CASP8: variants seen among roughly 807,000 people sequenced by gnomAD.
CASP8 encodes the protein caspase-8.
A neutral mutation model predicts 46.3 loss-of-function variants in CASP8; 24 were observed. That is an observed-to-expected ratio of 0.52 (90% CI 0.38 to 0.73). The LOEUF is 0.73. Ranked by LOEUF, CASP8 falls within the 30% of genes least tolerant of loss-of-function variation. The pLI, the probability that CASP8 is intolerant of heterozygous loss-of-function variation, is 0.00. For missense variants in CASP8, 460 were observed against 559.0 expected (o/e 0.82, Z 1.79); for synonymous variants, 188 against 200.4 (o/e 0.94, Z 0.52).
At chr2:201,274,475 T>C (rs1401229813) in intron 5 of CASP8, among the ~76,000 whole-genome samples, 1 of 152,200 alleles carries the variant, frequency 6.6e-6, no homozygotes, top group Non-Finnish European at 1.5e-5. Context: ...ATTTTCATTT[T>C]ATTTCATTTA....
At chr2:201,283,219 G>T (rs1407097566) in intron 7 of CASP8, among the ~76,000 whole-genome samples, 1 of 84,294 alleles carries the variant, frequency 1.2e-5, no homozygotes, top group Non-Finnish European at 2.8e-5. Context: ...CCAGGCGGGG[G>T]GCTGACCCCC....
intron 7 of CASP8, chr2:201,281,766 C>A (rs1407350965): frequency 1.0e-6 from 1 of 1,003,470 alleles, no homozygotes; most frequent in Non-Finnish European, 1.4e-6. Flanking sequence ...GCTTACCCAT[C>A]TTGTAAACTA....
Position 201,266,374 on chromosome 2 carries a change from A to G in CASP8, c.-26-87A>G. ...CTGTGCTGACAGCACAATGACCAGT[A>G]CCTAGTAGTTGCAGTAGCCTTTGAT... On this transcript the variant is annotated intron_variant, in intron 1 of 8. Coordinates refer to ENST00000673742, the MANE Select transcript of CASP8 (RefSeq NM_001372051.1). This position sits in a 1 kb window ranked among gnomAD's most constrained non-coding sequence, Gnocchi z 5.7. 1 of 950,538 alleles carries G rather than the reference A, an allele frequency of 1.1e-6. No homozygotes were observed. The highest frequency in any genetic ancestry group is 1.7e-6 in the Non-Finnish European group (1 of 591,094). 58.9% of individuals were successfully genotyped at this position (950,538 alleles called of 1,614,324 possible). A position where few individuals can be genotyped will look rare whatever the true frequency, so the allele number is the denominator to read the frequency against.
intron 5 of CASP8, among the ~76,000 whole-genome samples, chr2:201,273,328 G>A (rs1261004012): frequency 6.6e-6 from 1 of 152,174 alleles, no homozygotes; most frequent in Non-Finnish European, 1.5e-5. Flanking sequence ...CAAAGTGCTG[G>A]GATTACAGGC....
intron 5 of CASP8, among the ~76,000 whole-genome samples, chr2:201,274,089 A>G (rs1029218542): frequency 3.9e-5 from 6 of 152,146 alleles, no homozygotes; most frequent in African/African-American, 1.4e-4. Context: ...TTGTATTTTT[A>G]CGTTGGCTCT....
chr2:201,236,628 AGGCT>A (rs1388278920), intron 2 of CASP8, among the ~76,000 whole-genome samples: 1 of 152,216 alleles, frequency 6.6e-6, no homozygotes, highest in Admixed American at 6.5e-5. Flanking sequence ...TCTGCCGCCC[AGGCT>A]GGAGTGCAGT....
chr2:201,272,053 G>A lies in CASP8; in HGVS notation c.411+432G>A, dbSNP rs545331734. On this transcript the variant is annotated intron_variant, in intron 3 of 8. Coordinates refer to ENST00000673742, the MANE Select transcript of CASP8 (RefSeq NM_001372051.1). This position sits in a 1 kb window ranked among gnomAD's most constrained non-coding sequence, Gnocchi z 4.4. ...GTGTCTGTATTTGTGTGTGATATGT[G>A]TATCTCTGTGTGTCTCTGTATAAGT... 1.2e-4 allele frequency among the ~76,000 whole-genome samples: 19 copies of A among 152,022 alleles called. No individual in the cohort carries two copies. The South Asian group carries it at 4.0e-3, about 32-fold the overall frequency.
At chr2:201,258,170 T>A (rs983581150), upstream of CASP8, 8 of 1,579,766 alleles carry the variant, frequency 5.1e-6, no homozygotes, top group Admixed American at 1.3e-4. Flanking sequence ...CCTCCTTTTA[T>A]CTTTTGTGTT....
chr2:201,262,297 G>A (rs189187616), intron 1 of CASP8: 2 of 151,658 alleles, frequency 1.3e-5, no homozygotes, highest in Admixed American at 1.3e-4. Flanking sequence ...AGTGAAATGA[G>A]GTTAAAAAAT....
rs543507692 is a variant in CASP8, at chr2:201,285,432, C to T, written c.1304+115C>T. ...TTAGAAAGTGCTATGTGATTTAGAT[C>T]ACATTAACAGGTCAGAGAACTGTCC... On this transcript the variant is annotated intron_variant, in intron 8 of 8. Coordinates refer to ENST00000673742, the MANE Select transcript of CASP8 (RefSeq NM_001372051.1). 31 of 1,289,572 alleles carry T rather than the reference C, an allele frequency of 2.4e-5. No individual in the cohort carries two copies. In the East Asian group the frequency reaches 5.5e-4, roughly 23 times the overall value. 79.9% of individuals were successfully genotyped at this position (1,289,572 alleles called of 1,614,324 possible).
At chr2:201,250,111 C>G (rs7570325) in intron 2 of CASP8, among the ~76,000 whole-genome samples, 1 of 151,974 alleles carries the variant, frequency 6.6e-6, no homozygotes, top group Non-Finnish European at 1.5e-5. Context: ...AAGTGTAGTC[C>G]GCTGGCAGAA....
In CASP8 at chr2:201,287,439, T is replaced by A. The variant is rs13113; in HGVS notation, c.*845T>A. The A allele has an allele frequency of 0.34, 51,843 of 154,542 alleles. 10,304 individuals are homozygous for A. Among genetic ancestry groups the A allele is most frequent in the East Asian group, 0.48 (2,486 of 5,172 alleles). The allele number at this position is 154,542 out of a possible 1,614,324, so 9.6% of individuals were successfully genotyped here. On this transcript the variant is annotated 3_prime_UTR_variant, in exon 9 of 9. Coordinates refer to ENST00000673742, the MANE Select transcript of CASP8 (RefSeq NM_001372051.1). The stretch of plus-strand genomic sequence containing the variant: ...TTAATAAAACAAAATTTGTTTGAAA[T>A]CTTTTAAAAATTCAAATGATTTTTA...
chr2:201,271,117 A>T (rs9807938), intron 2 of CASP8, among the ~76,000 whole-genome samples: 9,934 of 152,190 alleles, frequency 0.065, 587 homozygotes, highest in African/African-American at 0.15. Context: ...TACTGAAGAT[A>T]ATGACTGGGA....
In CASP8 at chr2:201,285,017, A is replaced by C; in HGVS notation, c.1004A>C (p.Glu335Ala). The C allele has an allele frequency of 6.2e-7, 1 of 1,614,170 alleles. No homozygotes were observed. Among genetic ancestry groups the C allele is most frequent in the Non-Finnish European group, 8.5e-7 (1 of 1,180,034 alleles). Residue 335 changes from glutamate (E) to alanine (A), a missense_variant, in exon 8 of 9, where the codon GAG (glutamate) becomes GCG (alanine). Transcript: ENST00000673742. ...GATGGACAGGAGGCCCCCATCTATG[A>C]GCTGACATCTCAGTTCACTGGTTTG... ...GTDGQEAPIY[E>A]LTSQFTGLKC...
chr2:201,243,887 C>CT (rs1351742679), intron 2 of CASP8, among the ~76,000 whole-genome samples: 1 of 152,204 alleles, frequency 6.6e-6, no homozygotes, highest in African/African-American at 2.4e-5. Flanking sequence ...CTGTTCAAGT[C>CT]TGTTGAGGGA....
chr2:201,252,100 C>A (rs1946813145), intron 2 of CASP8, among the ~76,000 whole-genome samples: 1 of 152,124 alleles, frequency 6.6e-6, no homozygotes, highest in African/African-American at 2.4e-5. Flanking sequence ...ATTTGCAATT[C>A]CCTAATGACA....
In CASP8 at chr2:201,287,419, A is replaced by G. The variant is rs1949609512; in HGVS notation, c.*825A>G. On this transcript the variant is annotated 3_prime_UTR_variant, in exon 9 of 9. Transcript: ENST00000673742. ...TCTCAAAAAAAATTTTTTTTTTAAT[A>G]AAACAAAATTTGTTTGAAATCTTTT... The G allele has an allele frequency of 6.5e-6, 1 of 154,372 alleles. No homozygotes were observed. The highest frequency in any genetic ancestry group is 2.4e-5 in the African/African-American group (1 of 41,492). 9.6% of individuals were successfully genotyped at this position (154,372 alleles called of 1,614,324 possible). A position where few individuals can be genotyped will look rare whatever the true frequency, so the allele number is the denominator to read the frequency against.
chr2:201,260,726 G>A (rs925803567), intron 1 of CASP8, 113 bp downstream of exon 1: 3 of 177,450 alleles, frequency 1.7e-5, no homozygotes, highest in Non-Finnish European at 3.3e-5. Flanking sequence ...GGGCCATGGA[G>A]GTGATCCTCG....
intron 3 of CASP8, 62 bp downstream of exon 3, chr2:201,271,683 G>A: frequency 1.0e-6 from 1 of 1,004,324 alleles, no homozygotes; most frequent in Non-Finnish European, 1.6e-6. Flanking sequence ...GGGCATTTCT[G>A]AGACCAAAGA....
Sources: allele counts gnomAD v4.1 joint callset (sites outside exome capture counted in the v4.1 genomes callset), GRCh38; gene constraint gnomAD v4.1.1; non-coding constraint Gnocchi (gnomAD v3.1); transcripts MANE v1.5; gene names NCBI Gene and HGNC (gene_info 2026-07-23, HGNC 2026-07-21).